Variants in VHL observed in about 807,000 individuals in gnomAD.
VHL encodes von Hippel-Lindau tumor suppressor.
In VHL, 10 loss-of-function variants were observed where a neutral mutation model predicts 19.2. The observed-to-expected ratio is 0.52, with a 90% CI of 0.32 to 0.89. The LOEUF (loss-of-function observed/expected upper bound fraction) is 0.89. Among genes scored for constraint, VHL ranks in the 40% least tolerant of loss-of-function variants. The pLI, the probability that VHL is intolerant of heterozygous loss-of-function variation, is 0.03. For synonymous variants in VHL, 167 were observed against 129.5 expected, an observed-to-expected ratio of 1.29 and a Z score of -1.97; for missense variants, 328 against 292.7, an observed-to-expected ratio of 1.12 and a Z score of -0.88.
At chr3:10,149,243 G>A (rs979945317) in intron 2 of VHL, among the ~76,000 whole-genome samples, 2 of 151,842 alleles carry the variant, frequency 1.3e-5, no homozygotes, top group Admixed American at 6.6e-5. Flanking sequence ...CTCCCCAGTC[G>A]CTGGGACCAC....
intron 1 of VHL, 90 bp downstream of exon 1, chr3:10,142,277 G>A: frequency 2.0e-6 from 3 of 1,468,806 alleles, no homozygotes; most frequent in Non-Finnish European, 2.8e-6. Context: ...TTGCAGACGG[G>A]GAACTGAGGC....
At chr3:10,149,537 C>T (rs1181427375) in intron 2 of VHL, among the ~76,000 whole-genome samples, 4 of 152,186 alleles carry the variant, frequency 2.6e-5, no homozygotes, top group Non-Finnish European at 5.9e-5. Flanking sequence ...GCTTCATCCA[C>T]ATTCAGTTAG....
Position 10,150,621 on chromosome 3 carries a change from A to AT in VHL, c.*662dup, listed in dbSNP as rs1696386762. ...AAAGGGAATCATTTTTGTAGGAAGC[A>AT]TTTTTTATAATTTTCTAAGTCGTGC... On this transcript the variant is annotated 3_prime_UTR_variant, in exon 3 of 3. Transcript: ENST00000256474. 1 of 234,874 alleles carries AT rather than the reference A, an allele frequency of 4.3e-6. No homozygotes were observed. The highest frequency in any genetic ancestry group is 2.2e-5 in the African/African-American group (1 of 45,290). The allele number at this position is 234,874 out of a possible 1,614,324, so 14.5% of individuals were successfully genotyped here.
Position 10,150,500 on chromosome 3 carries a change from G to A in VHL, c.*535G>A. On this transcript the variant is annotated 3_prime_UTR_variant, in exon 3 of 3. Transcript: ENST00000256474. ...GGGTTTGTCAGAGGAACAAACCAGG[G>A]GACACTTTGTTAGAAAGTGCTTAGA... 2.3e-6 allele frequency: 1 copy of A among 439,688 alleles called. No individual in the cohort carries two copies. Among genetic ancestry groups the A allele is most frequent in the Non-Finnish European group, 3.4e-6 (1 of 294,784 alleles). The allele number at this position is 439,688 out of a possible 1,614,324, so 27.2% of individuals were successfully genotyped here. A position where few individuals can be genotyped will look rare whatever the true frequency, so the allele number is the denominator to read the frequency against.
Position 10,150,255 on chromosome 3 carries a change from G to T in VHL, c.*290G>T, listed in dbSNP as rs1696376997. Reference sequence around the variant, plus strand: ...GTCAGGACAGCTTGTATGTAAGGAGGTTTGTATAAGTAATTCAGTGGGAAT... The same window carrying T: ...GTCAGGACAGCTTGTATGTAAGGAGTTTTGTATAAGTAATTCAGTGGGAAT... On this transcript the variant is annotated 3_prime_UTR_variant, in exon 3 of 3. Transcript: ENST00000256474. 1.5e-6 allele frequency: 2 copies of T among 1,318,900 alleles called. No homozygotes were observed. The highest frequency in any genetic ancestry group is 3.1e-5 in the South Asian group (2 of 64,346). The allele number at this position is 1,318,900 out of a possible 1,614,324, so 81.7% of individuals were successfully genotyped here.
rs1287709656 is a variant in VHL, at chr3:10,151,433, T to C, written c.*1468T>C. ...TAGCTTTTTAAAAAAATCTCCCCAG[T>C]AGAGAAACATTTGGAAAAGACAGAA... On this transcript the variant is annotated 3_prime_UTR_variant, in exon 3 of 3. Transcript: ENST00000256474. The C allele has an allele frequency of 1.8e-5, 4 of 222,608 alleles. No individual in the cohort carries two copies. The highest frequency in any genetic ancestry group is 1.8e-5 in the Non-Finnish European group (2 of 111,436). The allele number at this position is 222,608 out of a possible 1,614,324, so 13.8% of individuals were successfully genotyped here. A position where few individuals can be genotyped will look rare whatever the true frequency, so the allele number is the denominator to read the frequency against.
intron 1 of VHL, among the ~76,000 whole-genome samples, chr3:10,145,787 G>A (rs143920798): frequency 6.4e-4 from 97 of 152,108 alleles, no homozygotes; most frequent in African/African-American, 2.1e-3. Context: ...GGTTTGATGA[G>A]TTTTCTCTCG....
chr3:10,149,487 G>T (rs868030852), intron 2 of VHL, among the ~76,000 whole-genome samples: 1 of 152,158 alleles, frequency 6.6e-6, no homozygotes, highest in Non-Finnish European at 1.5e-5. Flanking sequence ...GCAGAAGTCA[G>T]CAGGCCTTTT....
At position 10,141,883 on chromosome 3, in the gene VHL, G is replaced by T; in HGVS notation, c.36G>T (p.Glu12Asp). ...PRRAENWDEA[E>D]VGAEEAGVEE... Reference sequence around the variant, plus strand: ...GGGCGGAGAACTGGGACGAGGCCGAGGTAGGCGCGGAGGAGGCAGGCGTCG... The same window carrying T: ...GGGCGGAGAACTGGGACGAGGCCGATGTAGGCGCGGAGGAGGCAGGCGTCG... The change falls in exon 1 of 3, where the codon GAG becomes GAT. Residue 12 changes from glutamate to aspartate, a missense_variant. Glu to Asp is a conservative substitution (Grantham distance 45). Coordinates refer to ENST00000256474, the MANE Select transcript of VHL (RefSeq NM_000551.4). The T allele has an allele frequency of 6.5e-7, 1 of 1,533,750 alleles. No individual in the cohort carries two copies. Among genetic ancestry groups the T allele is most frequent in the Non-Finnish European group, 8.8e-7 (1 of 1,137,992 alleles).
chr3:10,142,048 C>G lies in VHL; in HGVS notation c.201C>G (p.Asn67Lys), dbSNP rs769658318. ...GRPRPVLRSV[N>K]SREPSQVIFC... ...CGCGGCCCGTGCTGCGCTCGGTGAACTCGCGCGAGCCCTCCCAGGTCATCT... is the reference window on the plus strand; with the variant it reads ...CGCGGCCCGTGCTGCGCTCGGTGAAGTCGCGCGAGCCCTCCCAGGTCATCT... Residue 67 changes from asparagine to lysine, a missense_variant, in exon 1 of 3, where the codon AAC becomes AAG. Physicochemically the swap from Asn to Lys is moderately conservative, Grantham distance 94. Coordinates refer to ENST00000256474, the MANE Select transcript of VHL (RefSeq NM_000551.4). The G allele has an allele frequency of 2.5e-6, 4 of 1,604,748 alleles. No homozygotes were observed. The highest frequency in any genetic ancestry group is 1.1e-5 in the South Asian group (1 of 90,180).
Position 10,146,679 on chromosome 3 carries a change from A to G in VHL, c.463+43A>G, listed in dbSNP as rs34661876. On this transcript the variant is annotated intron_variant, in intron 2 of 2. Coordinates refer to ENST00000256474, the MANE Select transcript of VHL (RefSeq NM_000551.4). Reference sequence around the variant, plus strand: ...TTTAAAAAGATAAGGTTGTTGTGGTAAGTACAGGATAGACCACTTGAAAAA... The same window carrying G: ...TTTAAAAAGATAAGGTTGTTGTGGTGAGTACAGGATAGACCACTTGAAAAA... The G allele has an allele frequency of 0.019, 31,352 of 1,610,182 alleles. 385 individuals are homozygous for G. The highest frequency in any genetic ancestry group is 0.024 in the Non-Finnish European group (27,993 of 1,177,242).
rs786203104 is a variant in VHL, at chr3:10,141,942, A to G, written c.95A>G (p.Glu32Gly). The part of the protein sequence containing the change: ...EYGPEEDGGE[E>G]SGAEESGPEE... Reference sequence around the variant, plus strand: ...GGCCCTGAAGAAGACGGCGGGGAGGAGTCGGGCGCCGAGGAGTCCGGCCCG... The same window carrying G: ...GGCCCTGAAGAAGACGGCGGGGAGGGGTCGGGCGCCGAGGAGTCCGGCCCG... The change falls in exon 1 of 3, where the codon GAG (glutamate) becomes GGG (glycine). Residue 32 changes from glutamate to glycine, a missense_variant. Coordinates refer to ENST00000256474, the MANE Select transcript of VHL (RefSeq NM_000551.4). 90 of 1,541,246 alleles carry G rather than the reference A, an allele frequency of 5.8e-5. No homozygotes were observed. The highest frequency in any genetic ancestry group is 7.5e-5 in the Non-Finnish European group (86 of 1,142,096).
chr3:10,143,262 C>T (rs999539174), intron 1 of VHL, among the ~76,000 whole-genome samples: 6 of 152,034 alleles, frequency 3.9e-5, no homozygotes, highest in African/African-American at 1.2e-4. Flanking sequence ...TCCCGAGGAG[C>T]GGGGATTACA....
chr3:10,151,589 C>G lies in VHL; in HGVS notation c.*1624C>G, dbSNP rs1423653937. 1 of 224,460 alleles carries G rather than the reference C, an allele frequency of 4.5e-6. No homozygotes were observed. The highest frequency in any genetic ancestry group is 2.2e-5 in the African/African-American group (1 of 44,888). The allele number at this position is 224,460 out of a possible 1,614,324, so 13.9% of individuals were successfully genotyped here. On this transcript the variant is annotated 3_prime_UTR_variant, in exon 3 of 3. Coordinates refer to ENST00000256474, the MANE Select transcript of VHL (RefSeq NM_000551.4). ...TGGTTTTTACATAGTTGAGATTGTACTGTTCATACAGTTTTATACCCTTTT... is the reference window on the plus strand; with the variant it reads ...TGGTTTTTACATAGTTGAGATTGTAGTGTTCATACAGTTTTATACCCTTTT...
Position 10,150,552 on chromosome 3 carries a change from G to T in VHL, c.*587G>T. The T allele has an allele frequency of 7.7e-6, 2 of 259,196 alleles. No homozygotes were observed. Among genetic ancestry groups the T allele is most frequent in the Admixed American group, 9.8e-5 (2 of 20,446 alleles). 16.1% of individuals were successfully genotyped at this position (259,196 alleles called of 1,614,324 possible). On this transcript the variant is annotated 3_prime_UTR_variant, in exon 3 of 3. Coordinates refer to ENST00000256474, the MANE Select transcript of VHL (RefSeq NM_000551.4). Reference sequence around the variant, plus strand: ...GTTCTGCCTCTATTTTTGTTGGGGGGTGGGAGAGGGGACCTTAAAATGTGT... The same window carrying T: ...GTTCTGCCTCTATTTTTGTTGGGGGTTGGGAGAGGGGACCTTAAAATGTGT...
rs73024535 is a variant in VHL at position 10,143,444 on chromosome 3, A to G, written c.340+1257A>G. ...GCGCCCAGCCCTTTGAAAGTTTTTCAGTATTTATGTATATATATTTTTGAG... is the reference window on the plus strand; with the variant it reads ...GCGCCCAGCCCTTTGAAAGTTTTTCGGTATTTATGTATATATATTTTTGAG... On this transcript the variant is annotated intron_variant, in intron 1 of 2. Transcript: ENST00000256474. Among the ~76,000 whole-genome samples, 970 of 151,934 alleles carry G rather than the reference A, an allele frequency of 6.4e-3. 8 individuals are homozygous for G. Among genetic ancestry groups the G allele is most frequent in the Non-Finnish European group, 0.011 (775 of 67,968 alleles).
chr3:10,149,961 A>G lies in VHL; in HGVS notation c.638A>G (p.Asp213Gly), dbSNP rs1553620394. The G allele has an allele frequency of 6.2e-7, 1 of 1,613,422 alleles. No individual in the cohort carries two copies. The highest frequency in any genetic ancestry group is 2.2e-5 in the East Asian group (1 of 44,858). Residue 213 changes from aspartate to glycine, a missense_variant, in exon 3 of 3, where the codon GAT (aspartate) becomes GGT (glycine). By Grantham distance (94) the Asp-to-Gly change is moderately conservative. Coordinates refer to ENST00000256474, the MANE Select transcript of VHL (RefSeq NM_000551.4). The stretch of plus-strand genomic sequence containing the variant: ...CGCATTGCACATCAACGGATGGGAG[A>G]TTGAAGATTTCTGTTGAAACTTACA... ...QERIAHQRMG[D>G]
In VHL at chr3:10,141,846, G is replaced by A. The variant is rs937566924; in HGVS notation, c.-2G>A. On this transcript the variant is annotated 5_prime_UTR_variant, in exon 1 of 3. Transcript: ENST00000256474. ...GCCCGGGTGGTCTGGATCGCGGAGG[G>A]AATGCCCCGGAGGGCGGAGAACTGG... The A allele has an allele frequency of 6.5e-7, 1 of 1,535,970 alleles. No individual in the cohort carries two copies. Among genetic ancestry groups the A allele is most frequent in the Non-Finnish European group, 8.8e-7 (1 of 1,140,336 alleles).
chr3:10,150,734 T>G lies in VHL; in HGVS notation c.*769T>G, dbSNP rs1696390051. On this transcript the variant is annotated 3_prime_UTR_variant, in exon 3 of 3. Transcript: ENST00000256474. ...TTCTACAGTTGTGATAATAGCATTTTTGTAACTTGCCATCCGCACAGAAAA... is the reference window on the plus strand; with the variant it reads ...TTCTACAGTTGTGATAATAGCATTTGTGTAACTTGCCATCCGCACAGAAAA... 4.3e-6 allele frequency: 1 copy of G among 233,234 alleles called. No homozygotes were observed. Among genetic ancestry groups the G allele is most frequent in the Non-Finnish European group, 8.5e-6 (1 of 118,108 alleles). 14.4% of individuals were successfully genotyped at this position (233,234 alleles called of 1,614,324 possible). A position where few individuals can be genotyped will look rare whatever the true frequency, so the allele number is the denominator to read the frequency against.
Sources: allele counts gnomAD v4.1 joint callset (sites outside exome capture counted in the v4.1 genomes callset), GRCh38; gene constraint gnomAD v4.1.1; transcripts MANE v1.5; gene names NCBI Gene and HGNC (gene_info 2026-07-23, HGNC 2026-07-21).